Variants in JARID2 observed in about 807,000 individuals in gnomAD.
JARID2 encodes protein Jumonji.
JARID2 carries 21 observed loss-of-function variants against 125.6 expected under a neutral mutation model. The observed-to-expected ratio is 0.17, with a 90% CI of 0.12 to 0.24. The LOEUF (loss-of-function observed/expected upper bound fraction) is 0.24, where lower values mean the gene tolerates loss of function less well. Ranked by LOEUF, JARID2 falls within the 10% of genes least tolerant of loss-of-function variation. The pLI is 1.00. For missense variants in JARID2, 1,303 were observed against 1,639.6 expected, an observed-to-expected ratio of 0.79 and a Z score of 3.55; for synonymous variants, 736 against 661.6, an observed-to-expected ratio of 1.11 and a Z score of -1.73.
chr6:15,494,941 T>TG (rs960140235), intron 6 of JARID2, among the ~76,000 whole-genome samples: 14 of 152,158 alleles, frequency 9.2e-5, no homozygotes, highest in Non-Finnish European at 5.9e-5. Flanking sequence ...CTCGGGCTGT[T>TG]GGGGAGAAGA....
chr6:15,510,540 A>T (rs562190084), intron 12 of JARID2, among the ~76,000 whole-genome samples: 1 of 152,136 alleles, frequency 6.6e-6, no homozygotes, highest in Non-Finnish European at 1.5e-5. Context: ...TGCCATGGTT[A>T]TACCCTGGAG....
At chr6:15,370,483 G>A (rs1020729522) in intron 1 of JARID2, among the ~76,000 whole-genome samples, 5 of 151,862 alleles carry the variant, frequency 3.3e-5, no homozygotes, top group African/African-American at 1.2e-4. Context: ...TACTACAGGC[G>A]CCCGCCACCA....
intron 1 of JARID2, among the ~76,000 whole-genome samples, chr6:15,319,630 T>A (rs1762287556): frequency 6.6e-6 from 1 of 152,188 alleles, no homozygotes; most frequent in Non-Finnish European, 1.5e-5. Context: ...GGTCTTGAAC[T>A]CCTGTCCTCA....
At chr6:15,509,200 C>T in intron 12 of JARID2, 1 of 1,248,454 alleles carries the variant, frequency 8.0e-7, no homozygotes, top group Non-Finnish European at 1.0e-6. Flanking sequence ...CTGATCGAGG[C>T]TGGACTCTTT....
intron 3 of JARID2, among the ~76,000 whole-genome samples, chr6:15,440,763 G>T (rs1304406419): frequency 2.0e-5 from 3 of 152,210 alleles, no homozygotes; most frequent in Non-Finnish European, 4.4e-5. Flanking sequence ...TTCAGCATCA[G>T]AGAGCTCAAA....
intron 4 of JARID2, among the ~76,000 whole-genome samples, chr6:15,464,014 CTTAA>C (rs761753286): frequency 3.3e-5 from 5 of 152,088 alleles, no homozygotes; most frequent in African/African-American, 7.2e-5. Context: ...ATATAAATGT[CTTAA>C]TTAATTTTAG....
chr6:15,492,911 TAAG>T (rs1232502907), intron 6 of JARID2, among the ~76,000 whole-genome samples: 7 of 152,212 alleles, frequency 4.6e-5, no homozygotes, highest in Non-Finnish European at 8.8e-5. Flanking sequence ...ACTCCTATAA[TAAG>T]AAGGAAAATA....
intron 1 of JARID2, among the ~76,000 whole-genome samples, chr6:15,247,101 G>C (rs80297961): frequency 0.02 from 3,120 of 152,252 alleles, 54 homozygotes; most frequent in Non-Finnish European, 0.03. Flanking sequence ...GGCTTATCTG[G>C]TTTGCAACAT....
chr6:15,433,878 CT>C, intron 3 of JARID2, among the ~76,000 whole-genome samples: 1 of 148,864 alleles, frequency 6.7e-6, no homozygotes, highest in Middle Eastern at 3.5e-3. Context: ...TTTTTAAATT[CT>C]TTTAGGCCCT....
intron 3 of JARID2, among the ~76,000 whole-genome samples, chr6:15,431,515 C>T (rs1431656440): frequency 6.6e-5 from 10 of 152,206 alleles, no homozygotes; most frequent in Non-Finnish European, 1.0e-4. Context: ...CTTGTGCCTT[C>T]TGTGTTGCTG....
At chr6:15,468,817 TC>T in intron 5 of JARID2, 99 bp downstream of exon 5, 1 of 1,167,372 alleles carries the variant, frequency 8.6e-7, no homozygotes, top group Non-Finnish European at 1.2e-6. Flanking sequence ...AAGGCAAAGC[TC>T]GTTCTGGGTA....
At chr6:15,416,260 G>A (rs1766203181) in intron 3 of JARID2, among the ~76,000 whole-genome samples, 3 of 152,190 alleles carry the variant, frequency 2.0e-5, no homozygotes, top group Non-Finnish European at 2.9e-5. Context: ...GCCAGGCAGA[G>A]ACGCTTCTCA....
In JARID2 at chr6:15,487,398, C is replaced by T. The variant is rs572518488; in HGVS notation, c.762C>T (p.Ser254=). 17 of 1,614,226 alleles carry T rather than the reference C, an allele frequency of 1.1e-5. No homozygotes were observed. The highest frequency in any genetic ancestry group is 5.0e-5 in the Admixed American group (3 of 60,032). ...CCACTCCCGCAAAGGAGAAGCACAG[C>T]GATCACCGGGCTGACAGCCGCCGGG... ...KEATPAKEKH[S]DHRADSRREQ... The change falls in exon 6 of 18, where the codon AGC becomes AGT. Residue 254 remains serine, a synonymous_variant. Coordinates refer to ENST00000341776, the MANE Select transcript of JARID2 (RefSeq NM_004973.4).
At chr6:15,415,328 G>T (rs1340144925) in intron 3 of JARID2, among the ~76,000 whole-genome samples, 2 of 152,180 alleles carry the variant, frequency 1.3e-5, no homozygotes, top group African/African-American at 4.8e-5. Flanking sequence ...TGAGCTGCCG[G>T]CTACACCTCC....
At chr6:15,398,591 T>C (rs1480616878) in intron 2 of JARID2, among the ~76,000 whole-genome samples, 1 of 152,232 alleles carries the variant, frequency 6.6e-6, no homozygotes, top group Non-Finnish European at 1.5e-5. Flanking sequence ...GTCTCCTTCC[T>C]GGCCTGACAG....
intron 1 of JARID2, among the ~76,000 whole-genome samples, chr6:15,371,259 G>A (rs1380918823): frequency 6.6e-6 from 1 of 152,220 alleles, no homozygotes; most frequent in African/African-American, 2.4e-5. Flanking sequence ...AAGTCAGGAT[G>A]AAGGCACCAG....
At chr6:15,380,227 G>A (rs1242305424) in intron 2 of JARID2, among the ~76,000 whole-genome samples, 2 of 151,934 alleles carry the variant, frequency 1.3e-5, no homozygotes, top group Non-Finnish European at 2.9e-5. Flanking sequence ...TAGAGAGAGG[G>A]TTTCACCATG....
At chr6:15,459,713 C>T (rs1008973381) in intron 4 of JARID2, among the ~76,000 whole-genome samples, 1 of 152,118 alleles carries the variant, frequency 6.6e-6, no homozygotes, top group African/African-American at 2.4e-5. Context: ...CGTTGCTGGC[C>T]TCATTGGCAA....
At chr6:15,500,249 G>A (rs1419716108) in intron 7 of JARID2, among the ~76,000 whole-genome samples, 11 of 152,176 alleles carry the variant, frequency 7.2e-5, no homozygotes, top group African/African-American at 1.9e-4. Context: ...GAAGCAGCCC[G>A]CTGTCTGGAT....
Sources: allele counts gnomAD v4.1 joint callset (sites outside exome capture counted in the v4.1 genomes callset), GRCh38; gene constraint gnomAD v4.1.1; transcripts MANE v1.5; gene names NCBI Gene and HGNC (gene_info 2026-07-23, HGNC 2026-07-21).